Variants in GLIS3 observed in about 807,000 individuals in gnomAD.
The protein encoded by GLIS3 is zinc finger protein GLIS3.
GLIS3 carries 53 observed loss-of-function variants against 78.6 expected under a neutral mutation model. The ratio of observed to expected loss-of-function variants is 0.67; its 90% CI spans 0.54 to 0.85. The LOEUF is 0.85. Among genes scored for constraint, GLIS3 ranks in the 40% least tolerant of loss-of-function variants. The pLI is 0.00. For synonymous variants in GLIS3, 684 were observed against 509.9 expected (o/e 1.34, Z -4.60); for missense variants, 1,703 against 1,231.1 (o/e 1.38, Z -5.74).
upstream of GLIS3, among the ~76,000 whole-genome samples, chr9:4,348,632 G>A (rs1453952451): frequency 6.6e-6 from 1 of 152,114 alleles, no homozygotes. Flanking sequence ...AAGAAGGTGG[G>A]AACGAAATTT....
chr9:4,257,103 A>T (rs1825022723), intron 2 of GLIS3, among the ~76,000 whole-genome samples: 2 of 152,178 alleles, frequency 1.3e-5, no homozygotes, highest in Admixed American at 1.3e-4. Context: ...ATGTATGTAT[A>T]CCACAACTTC....
rs117325034 is a variant in GLIS3, at chr9:4,066,338, G to A, written c.1710+51430C>T. ...CCAGGCAGGGAGGCACCGTGGGTGG[G>A]AAATCCTCTGGAGTGCATATTCCTG... On this transcript the variant is annotated intron_variant, in intron 4 of 10. Coordinates refer to ENST00000381971, the MANE Select transcript of GLIS3 (RefSeq NM_001042413.2). Among the ~76,000 whole-genome samples the A allele has an allele frequency of 8.2e-3, 1,253 of 152,144 alleles. 6 individuals carry two copies. Among genetic ancestry groups the A allele is most frequent in the South Asian group, 0.017 (83 of 4,810 alleles).
intron 2 of GLIS3, among the ~76,000 whole-genome samples, chr9:4,138,301 G>A (rs374858808): frequency 6.6e-6 from 1 of 152,218 alleles, no homozygotes. Context: ...CATTTACTGG[G>A]TGTTAGGCTT....
chr9:3,881,512 G>C (rs1414332462), intron 7 of GLIS3, among the ~76,000 whole-genome samples: 2 of 152,164 alleles, frequency 1.3e-5, no homozygotes, highest in African/African-American at 4.8e-5. Flanking sequence ...CTTCTCAGAG[G>C]TCTGTATTAG....
At chr9:4,445,627 C>T in the GLIS3 span, among the ~76,000 whole-genome samples, 2 of 152,106 alleles carry the variant, frequency 1.3e-5, no homozygotes, top group Non-Finnish European at 2.9e-5. Context: ...GAGCAAGACT[C>T]TAACTCTAAA....
the GLIS3 span, among the ~76,000 whole-genome samples, chr9:4,447,084 G>A: frequency 1.7e-3 from 253 of 151,794 alleles, no homozygotes; most frequent in Admixed American, 3.6e-3. Flanking sequence ...GTCTCACTCT[G>A]TTGCCTAGTC....
intron 4 of GLIS3, among the ~76,000 whole-genome samples, chr9:4,024,947 G>T (rs1349977544): frequency 2.6e-5 from 4 of 152,108 alleles, no homozygotes; most frequent in African/African-American, 9.7e-5. Context: ...GCACAGTGAG[G>T]AGTAATAGAA....
chr9:4,179,061 T>C (rs1031229842), intron 2 of GLIS3, among the ~76,000 whole-genome samples: 3 of 152,312 alleles, frequency 2.0e-5, no homozygotes, highest in Admixed American at 6.5e-5. Context: ...AAGTCACACT[T>C]CAGCCTGAGT....
chr9:4,020,723 G>C (rs1176138140), intron 4 of GLIS3, among the ~76,000 whole-genome samples: 2 of 152,182 alleles, frequency 1.3e-5, no homozygotes, highest in Non-Finnish European at 2.9e-5. Context: ...TTTACACGGT[G>C]TCAGATTATA....
chr9:4,352,742 C>T (rs566766168), upstream of GLIS3, among the ~76,000 whole-genome samples: 1 of 152,216 alleles, frequency 6.6e-6, no homozygotes, highest in Non-Finnish European at 1.5e-5. Flanking sequence ...GTGCTGCTGG[C>T]TCTTGGCAAC....
intron 2 of GLIS3, among the ~76,000 whole-genome samples, chr9:4,265,444 C>T (rs1170041648): frequency 7.0e-6 from 1 of 143,502 alleles, no homozygotes; most frequent in Non-Finnish European, 1.5e-5. Context: ...CTGGTCAGGA[C>T]AGAACTGGGA....
intron 2 of GLIS3, among the ~76,000 whole-genome samples, chr9:4,245,899 T>G (rs1008475223): frequency 6.6e-6 from 1 of 152,188 alleles, no homozygotes; most frequent in Non-Finnish European, 1.5e-5. Context: ...GTCTTTCATA[T>G]CTTCTATTAT....
chr9:4,063,447 T>C, intron 4 of GLIS3, among the ~76,000 whole-genome samples: 1 of 151,858 alleles, frequency 6.6e-6, no homozygotes. Flanking sequence ...ATTAAACATC[T>C]GAAAAATCTA....
chr9:4,016,986 T>G (rs899310647), intron 4 of GLIS3, among the ~76,000 whole-genome samples: 1 of 152,218 alleles, frequency 6.6e-6, no homozygotes, highest in African/African-American at 2.4e-5. Flanking sequence ...TGCAAAATGC[T>G]TTCAATGTCC....
At chr9:3,940,991 A>T (rs1397027439) in intron 4 of GLIS3, among the ~76,000 whole-genome samples, 1 of 152,150 alleles carries the variant, frequency 6.6e-6, no homozygotes, top group Non-Finnish European at 1.5e-5. Context: ...TCGCCTGGGA[A>T]CTTGTCAGAT....
intron 2 of GLIS3, among the ~76,000 whole-genome samples, chr9:4,131,092 T>C (rs1170206991): frequency 1.3e-5 from 2 of 152,226 alleles, no homozygotes; most frequent in East Asian, 1.9e-4. Flanking sequence ...ATAGGACCTA[T>C]AGCCCCTTTA....
At chr9:3,909,958 T>C (rs1451917097) in intron 6 of GLIS3, among the ~76,000 whole-genome samples, 2 of 152,228 alleles carry the variant, frequency 1.3e-5, no homozygotes, top group African/African-American at 4.8e-5. Context: ...TTTAAACTTA[T>C]AGTAATGAAG....
chr9:4,426,944 C>T, the GLIS3 span, among the ~76,000 whole-genome samples: 1 of 152,162 alleles, frequency 6.6e-6, no homozygotes, highest in Non-Finnish European at 1.5e-5. Context: ...TTGCCCACAC[C>T]CATTACAGTT....
At chr9:4,238,054 T>C (rs141575418) in intron 2 of GLIS3, among the ~76,000 whole-genome samples, 15 of 152,288 alleles carry the variant, frequency 9.8e-5, no homozygotes, top group African/African-American at 3.6e-4. Context: ...GAATTTCCTG[T>C]TGCCACCCTG....
Sources: allele counts gnomAD v4.1 joint callset (sites outside exome capture counted in the v4.1 genomes callset), GRCh38; gene constraint gnomAD v4.1.1; transcripts MANE v1.5; gene names NCBI Gene and HGNC (gene_info 2026-07-23, HGNC 2026-07-21).